The following DCDC1 variants were observed in gnomAD, a reference collection of about 807,000 sequenced individuals.
DCDC1 encodes doublecortin domain-containing protein 1.
DCDC1 carries 200 observed loss-of-function variants against 178.3 expected under a neutral mutation model. That is an observed-to-expected ratio of 1.12 (90% confidence interval 1.00 to 1.26). The LOEUF (loss-of-function observed/expected upper bound fraction) is 1.26. Ranked by LOEUF, DCDC1 falls within the 50% of genes most tolerant of loss-of-function variation. The pLI is 0.00. For synonymous variants in DCDC1, 690 were observed against 604.8 expected, an observed-to-expected ratio of 1.14 and a Z score of -2.07; for missense variants, 1,983 against 1,749.2, an observed-to-expected ratio of 1.13 and a Z score of -2.38.
intron 11 of DCDC1, among the ~76,000 whole-genome samples, chr11:31,123,126 A>G (rs1436586371): frequency 6.6e-6 from 1 of 152,086 alleles, no homozygotes; most frequent in East Asian, 1.9e-4. Flanking sequence ...TCAACTCCCT[A>G]GTCTAGACAA....
chr11:31,238,315 T>A (rs1273920341), intron 9 of DCDC1, among the ~76,000 whole-genome samples: 2 of 152,078 alleles, frequency 1.3e-5, no homozygotes, highest in Non-Finnish European at 2.9e-5. Context: ...CTCAACAGAC[T>A]GCCATATTTT....
chr11:31,123,652 A>C lies in DCDC1; in HGVS notation c.1485+3817T>G, dbSNP rs1200325423. On this transcript the variant is annotated intron_variant, in intron 11 of 38. Coordinates refer to ENST00000684477, the MANE Select transcript of DCDC1 (RefSeq NM_001387274.1). Reference sequence around the variant, plus strand: ...TTCTTGAGATGTGGAAGAGGAACTTATTTTCTGAGAGAAGCTAGATGTTGC... The same window carrying C: ...TTCTTGAGATGTGGAAGAGGAACTTCTTTTCTGAGAGAAGCTAGATGTTGC... Among the ~76,000 whole-genome samples the C allele has an allele frequency of 2.0e-5, 3 of 152,004 alleles. No individual in the cohort carries two copies. In the East Asian group the frequency reaches 5.8e-4, roughly 29 times the overall value.
intron 31 of DCDC1, 50 bp from the exon 32 acceptor site, chr11:30,903,733 G>T: frequency 7.1e-7 from 1 of 1,402,492 alleles, no homozygotes; most frequent in South Asian, 1.7e-5. Flanking sequence ...GATAGCATTG[G>T]GAATGATCAT....
chr11:31,009,744 G>A (rs1266268125), intron 20 of DCDC1, among the ~76,000 whole-genome samples: 2 of 152,198 alleles, frequency 1.3e-5, no homozygotes, highest in Non-Finnish European at 2.9e-5. Flanking sequence ...ACATTAGTCC[G>A]TTTTCACACT....
In DCDC1 at chr11:31,271,783, GA is replaced by G. The variant is rs1321916736; in HGVS notation, c.961-6184del. Among the ~76,000 whole-genome samples the G allele has an allele frequency of 4.6e-5, 7 of 152,152 alleles. No homozygotes were observed. In the East Asian group the frequency reaches 1.3e-3, roughly 29 times the overall value. On this transcript the variant is annotated intron_variant, in intron 7 of 38. Coordinates refer to ENST00000684477, the MANE Select transcript of DCDC1 (RefSeq NM_001387274.1). Reference sequence around the variant, plus strand: ...CTGGAGAGGCCTCACAATAATGGTGGAAGGCAAGGAGGAGCAAGTCACATCT... The same window carrying G: ...CTGGAGAGGCCTCACAATAATGGTGGAGGCAAGGAGGAGCAAGTCACATCT...
At position 30,909,108 on chromosome 11, in the gene DCDC1, C is replaced by A; in HGVS notation, c.3756G>T (p.Lys1252Asn). The A allele has an allele frequency of 6.2e-7, 1 of 1,603,252 alleles. No individual in the cohort carries two copies. ...GATTGGCAGCTCCATTGTTGTACGG[C>A]TTATATTTCTGAAAAAAGAGGCAAA... ...CGYPVIVQKY[K>N]PYNNGAANQK... The change falls in exon 29 of 39, where the codon AAG (lysine) becomes AAT (asparagine). Residue 1252 changes from lysine (K) to asparagine (N), a missense_variant. By Grantham distance (94) the Lys-to-Asn change is moderately conservative (BLOSUM62 0). Transcript: ENST00000684477.
At chr11:31,135,078 A>T (rs1299975844) in intron 10 of DCDC1, among the ~76,000 whole-genome samples, 3 of 152,228 alleles carry the variant, frequency 2.0e-5, no homozygotes, top group African/African-American at 7.2e-5. Flanking sequence ...TGCATACGTT[A>T]CTGTTACTCC....
chr11:30,944,864 C>A (rs968615641), intron 21 of DCDC1, among the ~76,000 whole-genome samples: 1 of 150,746 alleles, frequency 6.6e-6, no homozygotes, highest in African/African-American at 2.4e-5. Context: ...ACAAAAGCTA[C>A]TGTTCTGTTT....
intron 20 of DCDC1, among the ~76,000 whole-genome samples, chr11:31,018,224 A>G (rs1952620402): frequency 6.6e-6 from 1 of 152,214 alleles, no homozygotes; most frequent in Admixed American, 6.5e-5. Context: ...TGGCGTTTAT[A>G]CCTATTATTT....
At position 31,010,161 on chromosome 11, in the gene DCDC1, C is replaced by T. The variant is rs564004444; in HGVS notation, c.2591+54308G>A. On this transcript the variant is annotated intron_variant, in intron 20 of 38. Transcript: ENST00000684477. Reference sequence around the variant, plus strand: ...CTTCTGGAAACACCCTGACAGATATCTTGTGACCCAGTCAAGGTGACATAT... The same window carrying T: ...CTTCTGGAAACACCCTGACAGATATTTTGTGACCCAGTCAAGGTGACATAT... 9.8e-5 allele frequency among the ~76,000 whole-genome samples: 15 copies of T among 152,372 alleles called. No individual in the cohort carries two copies. The East Asian group carries it at 1.5e-3, about 16-fold the overall frequency.
At chr11:30,906,051 G>A (rs779477611) in intron 30 of DCDC1, among the ~76,000 whole-genome samples, 1 of 152,098 alleles carries the variant, frequency 6.6e-6, no homozygotes, top group African/African-American at 2.4e-5. Context: ...ATAGGAAAGC[G>A]GTAAGAGTTT....
intron 9 of DCDC1, among the ~76,000 whole-genome samples, chr11:31,153,557 C>T (rs548597551): frequency 3.3e-5 from 5 of 152,034 alleles, no homozygotes; most frequent in Non-Finnish European, 5.9e-5. Context: ...CCGAGGCGGG[C>T]GGATCACTTG....
chr11:30,873,204 A>T (rs1941760325), intron 38 of DCDC1, among the ~76,000 whole-genome samples: 2 of 151,162 alleles, frequency 1.3e-5, no homozygotes, highest in Non-Finnish European at 2.9e-5. Flanking sequence ...GGGTAGTAGA[A>T]GATAGAGTAA....
intron 6 of DCDC1, among the ~76,000 whole-genome samples, chr11:31,297,480 G>A (rs1947781311): frequency 6.6e-6 from 1 of 151,796 alleles, no homozygotes; most frequent in Non-Finnish European, 1.5e-5. Flanking sequence ...CGAGTAACTG[G>A]GACAACAGGC....
At chr11:30,902,581 T>A (rs1384133651) in intron 32 of DCDC1, among the ~76,000 whole-genome samples, 1 of 152,160 alleles carries the variant, frequency 6.6e-6, no homozygotes, top group Non-Finnish European at 1.5e-5. Flanking sequence ...GTAAAATATG[T>A]ACATTTTATG....
intron 15 of DCDC1, among the ~76,000 whole-genome samples, chr11:31,101,651 T>C (rs1027740436): frequency 6.6e-6 from 1 of 152,176 alleles, no homozygotes; most frequent in Non-Finnish European, 1.5e-5. Context: ...GTTTTTCAAG[T>C]AGGAATTAAA....
At chr11:30,930,700 G>A (rs77450807) in intron 22 of DCDC1, among the ~76,000 whole-genome samples, 4,111 of 152,078 alleles carry the variant, frequency 0.027, 183 homozygotes, top group African/African-American at 0.093. Context: ...ATGTAACTTT[G>A]AGCCACAATT....
chr11:31,272,709 G>A (rs760027604), intron 7 of DCDC1, among the ~76,000 whole-genome samples: 9 of 152,228 alleles, frequency 5.9e-5, no homozygotes, highest in African/African-American at 1.2e-4. Context: ...TCATGCTGAC[G>A]CAAGAAGGGG....
intron 1 of DCDC1, among the ~76,000 whole-genome samples, chr11:31,335,997 A>T (rs536534365): frequency 6.6e-6 from 1 of 152,344 alleles, no homozygotes; most frequent in East Asian, 1.9e-4. Flanking sequence ...ATTCGTTGAC[A>T]TTGTTCTAGG....
Sources: gnomAD v4.1 joint callset for allele counts (sites outside exome capture counted in the v4.1 genomes callset) on GRCh38, gnomAD v4.1.1 for gene constraint, MANE v1.5 for transcripts, NCBI Gene and HGNC (gene_info 2026-07-23, HGNC 2026-07-21) for gene names.